Variants in GRM8 observed in about 807,000 individuals in gnomAD.
GRM8 encodes metabotropic glutamate receptor 8.
A neutral mutation model predicts 87.2 loss-of-function variants in GRM8; 47 were observed. That is an observed-to-expected ratio of 0.54 (90% CI 0.43 to 0.69). The LOEUF is 0.69. Ranked by LOEUF, GRM8 falls within the 30% of genes least tolerant of loss-of-function variation. The pLI, the probability that GRM8 is intolerant of heterozygous loss-of-function variation, is 0.00. For synonymous variants in GRM8, 396 were observed against 404.5 expected (o/e 0.98, Z 0.25); for missense variants, 1,019 against 1,139.2 (o/e 0.89, Z 1.52).
At chr7:126,760,530 C>T (rs1585819078) in intron 7 of GRM8, among the ~76,000 whole-genome samples, 1 of 152,082 alleles carries the variant, frequency 6.6e-6, no homozygotes, top group Non-Finnish European at 1.5e-5. Flanking sequence ...AAGATTAATA[C>T]TTTACAGCTA....
intron 3 of GRM8, among the ~76,000 whole-genome samples, chr7:127,013,180 T>A (rs1441251668): frequency 6.6e-6 from 1 of 152,168 alleles, no homozygotes; most frequent in Non-Finnish European, 1.5e-5. Context: ...ACTAGTTCAA[T>A]CAAGGATGGG....
chr7:126,598,592 G>A lies in GRM8; in HGVS notation c.1494+10770C>T, dbSNP rs556329319. 1.7e-3 allele frequency among the ~76,000 whole-genome samples: 258 copies of A among 151,780 alleles called. 1 individual carries two copies. The highest frequency in any genetic ancestry group is 6.0e-3 in the African/African-American group (249 of 41,430). ...TAAATGTATCTTAGTAAGGCCTTTC[G>A]AAATATTTTATGAATTAAGGCTGGA... On this transcript the variant is annotated intron_variant, in intron 8 of 10. Coordinates refer to ENST00000339582, the MANE Select transcript of GRM8 (RefSeq NM_000845.3).
At chr7:126,814,674 G>C (rs1042782532) in intron 6 of GRM8, among the ~76,000 whole-genome samples, 24 of 150,298 alleles carry the variant, frequency 1.6e-4, no homozygotes, top group African/African-American at 5.9e-4. Context: ...AGCTCTGATT[G>C]TCATCCACTA....
chr7:126,782,915 C>G (rs1396318696), intron 6 of GRM8, among the ~76,000 whole-genome samples: 1 of 152,160 alleles, frequency 6.6e-6, no homozygotes, highest in Non-Finnish European at 1.5e-5. Context: ...CTGATTAAAG[C>G]AGGTCGCAAT....
intron 6 of GRM8, among the ~76,000 whole-genome samples, chr7:126,879,117 G>A (rs886375271): frequency 7.3e-5 from 11 of 149,730 alleles, no homozygotes; most frequent in Non-Finnish European, 4.4e-5. Flanking sequence ...GAGCCAAGAC[G>A]GCGCCATTGC....
intron 2 of GRM8, among the ~76,000 whole-genome samples, chr7:127,139,330 A>G (rs1828126906): frequency 6.6e-6 from 1 of 152,124 alleles, no homozygotes; most frequent in Admixed American, 6.5e-5. Flanking sequence ...AACAAAATGT[A>G]ACCTGAGCAC....
intron 3 of GRM8, among the ~76,000 whole-genome samples, chr7:126,935,256 T>A (rs1323175308): frequency 2.7e-5 from 4 of 150,794 alleles, no homozygotes; most frequent in Non-Finnish European, 4.4e-5. Flanking sequence ...TACCTAGGGC[T>A]TTAGGTTGAA....
intron 1 of GRM8, among the ~76,000 whole-genome samples, chr7:127,245,850 T>G (rs1798559534): frequency 6.6e-6 from 1 of 152,246 alleles, no homozygotes; most frequent in Non-Finnish European, 1.5e-5. Flanking sequence ...TCTCTGAAGC[T>G]TGCTTTTCTT....
intron 10 of GRM8, among the ~76,000 whole-genome samples, chr7:126,441,116 A>T (rs1407608644): frequency 1.3e-5 from 2 of 152,082 alleles, no homozygotes; most frequent in Non-Finnish European, 2.9e-5. Flanking sequence ...AAGTAATTAT[A>T]ATTAGCTGTC....
At chr7:126,442,988 T>A (rs1358112498) in intron 10 of GRM8, among the ~76,000 whole-genome samples, 1 of 152,014 alleles carries the variant, frequency 6.6e-6, no homozygotes, top group Non-Finnish European at 1.5e-5. Context: ...GAATCAGAGA[T>A]GTACCAATGA....
intron 1 of GRM8, among the ~76,000 whole-genome samples, chr7:127,250,197 C>G (rs1336847912): frequency 2.0e-5 from 3 of 152,192 alleles, no homozygotes; most frequent in Non-Finnish European, 4.4e-5. Flanking sequence ...ATTAAACAAG[C>G]CCCGCAGCAG....
chr7:126,569,921 G>A (rs1406483845), intron 8 of GRM8, among the ~76,000 whole-genome samples: 1 of 152,060 alleles, frequency 6.6e-6, no homozygotes, highest in Non-Finnish European at 1.5e-5. Flanking sequence ...AAAAATGCTT[G>A]GAGTTATCAA....
chr7:126,925,974 T>C (rs1155655), intron 3 of GRM8, among the ~76,000 whole-genome samples: 118,377 of 152,086 alleles, frequency 0.78, 46,520 homozygotes, highest in East Asian at 0.97. Flanking sequence ...GCAGGTTGAA[T>C]GTATTTATAG....
intron 2 of GRM8, among the ~76,000 whole-genome samples, chr7:127,231,190 G>A (rs1290602632): frequency 6.6e-6 from 1 of 152,132 alleles, no homozygotes; most frequent in Non-Finnish European, 1.5e-5. Flanking sequence ...GTTACAGAAG[G>A]AGAATAGGTG....
chr7:127,077,391 G>A (rs1052591775), intron 3 of GRM8, among the ~76,000 whole-genome samples: 7 of 152,096 alleles, frequency 4.6e-5, no homozygotes, highest in African/African-American at 1.7e-4. Flanking sequence ...TGTTCTTCAT[G>A]TGCATCCATG....
chr7:126,598,679 AAT>A (rs1491258457), intron 8 of GRM8, among the ~76,000 whole-genome samples: 6 of 144,636 alleles, frequency 4.1e-5, no homozygotes, highest in Admixed American at 3.5e-4. Context: ...AGAAAAAAAA[AAT>A]CTTAATTACG....
rs79488963 is a variant in GRM8, at chr7:126,620,468, T to G, written c.1358-10970A>C. Among the ~76,000 whole-genome samples, 382 of 152,296 alleles carry G rather than the reference T, an allele frequency of 2.5e-3. 1 individual carries two copies. Among genetic ancestry groups the G allele is most frequent in the African/African-American group, 8.7e-3 (362 of 41,566 alleles). On this transcript the variant is annotated intron_variant, in intron 7 of 10. Transcript: ENST00000339582. ...TTTTATTCGTAGGCATCTCAAGCAC[T>G]CCAACATGGTTTTGTAGGGAAAATG...
intron 7 of GRM8, among the ~76,000 whole-genome samples, chr7:126,695,649 G>C (rs1198845813): frequency 2.0e-5 from 3 of 152,168 alleles, no homozygotes; most frequent in African/African-American, 7.2e-5. Flanking sequence ...GTAAAATGAA[G>C]GGCTTAGGAG....
At chr7:126,645,713 C>G (rs1291481432) in intron 7 of GRM8, among the ~76,000 whole-genome samples, 1 of 152,104 alleles carries the variant, frequency 6.6e-6, no homozygotes, top group East Asian at 1.9e-4. Flanking sequence ...TAAAACATGG[C>G]TTGTCTGATT....
Sources: allele counts gnomAD v4.1 joint callset (sites outside exome capture counted in the v4.1 genomes callset), GRCh38; gene constraint gnomAD v4.1.1; transcripts MANE v1.5; gene names NCBI Gene and HGNC (gene_info 2026-07-23, HGNC 2026-07-21).